Variants in KIAA1217 observed in about 807,000 individuals in gnomAD.
KIAA1217 encodes sickle tail protein homolog.
In KIAA1217, 88 loss-of-function variants were observed where a neutral mutation model predicts 163.9. The observed-to-expected ratio is 0.54, with a 90% confidence interval of 0.45 to 0.64. The LOEUF (loss-of-function observed/expected upper bound fraction) is 0.64, where lower values mean the gene tolerates loss of function less well. KIAA1217 is among the 30% of genes least tolerant of loss of function. The pLI is 0.00. For missense variants in KIAA1217, 2,372 were observed against 2,475.0 expected, an observed-to-expected ratio of 0.96 and a Z score of 0.88; for synonymous variants, 903 against 923.1, an observed-to-expected ratio of 0.98 and a Z score of 0.39.
chr10:23,818,303 TTA>T (rs893978014), intron 1 of KIAA1217, among the ~76,000 whole-genome samples: 10 of 138,548 alleles, frequency 7.2e-5, no homozygotes, highest in African/African-American at 2.2e-4. Flanking sequence ...TATATATAAA[TTA>T]TATATATATA....
At chr10:23,699,689 A>G (rs115600590) in intron 1 of KIAA1217, among the ~76,000 whole-genome samples, 451 of 152,062 alleles carry the variant, frequency 3.0e-3, no homozygotes, top group African/African-American at 0.01. Flanking sequence ...CACCATTTCA[A>G]TCATAGCTCA....
intron 1 of KIAA1217, among the ~76,000 whole-genome samples, chr10:23,910,946 A>C (rs920557104): frequency 6.6e-6 from 1 of 152,144 alleles, no homozygotes; most frequent in African/African-American, 2.4e-5. Context: ...AGAGTCAGCA[A>C]TGGCCATACC....
At chr10:23,870,410 A>G (rs1840402989) in intron 1 of KIAA1217, among the ~76,000 whole-genome samples, 1 of 152,044 alleles carries the variant, frequency 6.6e-6, no homozygotes, top group Admixed American at 6.6e-5. Flanking sequence ...TAGGCATCTT[A>G]ACAAAGGCCA....
intron 1 of KIAA1217, among the ~76,000 whole-genome samples, chr10:23,906,752 C>A (rs1008129281): frequency 6.6e-6 from 1 of 152,118 alleles, no homozygotes; most frequent in Non-Finnish European, 1.5e-5. Flanking sequence ...CTGGAGCTCT[C>A]ATAGGTATGT....
At chr10:24,042,017 C>T (rs948943003) in intron 2 of KIAA1217, 2 of 151,958 alleles carry the variant, frequency 1.3e-5, no homozygotes, top group Non-Finnish European at 2.9e-5. Context: ...GGAGCATTTA[C>T]CATTGCAGAA....
intron 3 of KIAA1217, among the ~76,000 whole-genome samples, chr10:24,390,850 A>G (rs969164543): frequency 6.6e-6 from 1 of 152,184 alleles, no homozygotes; most frequent in African/African-American, 2.4e-5. Context: ...TAGGATTTTC[A>G]TATATGAGGC....
intron 1 of KIAA1217, among the ~76,000 whole-genome samples, chr10:23,950,769 A>G (rs1404735888): frequency 6.6e-6 from 1 of 152,114 alleles, no homozygotes; most frequent in Admixed American, 6.5e-5. Context: ...GAAAAACTGT[A>G]TATTTTACTT....
intron 1 of KIAA1217, among the ~76,000 whole-genome samples, chr10:23,848,015 A>G (rs1004841188): frequency 2.0e-5 from 3 of 152,098 alleles, no homozygotes; most frequent in Non-Finnish European, 4.4e-5. Context: ...GTTTCCATGT[A>G]GTTGTGCAGT....
intron 2 of KIAA1217, among the ~76,000 whole-genome samples, chr10:24,315,932 G>GGT (rs1554811345): frequency 3.4e-5 from 5 of 148,746 alleles, no homozygotes; most frequent in African/African-American, 1.2e-4. Context: ...TATCTAATGG[G>GGT]GGGGGGGAAT....
intron 1 of KIAA1217, among the ~76,000 whole-genome samples, chr10:23,806,727 TC>T (rs1342357790): frequency 1.3e-5 from 2 of 152,236 alleles, no homozygotes; most frequent in Non-Finnish European, 2.9e-5. Context: ...TAATTTGCAT[TC>T]CTACTTTTTC....
chr10:23,942,674 T>C (rs770777883), intron 1 of KIAA1217, among the ~76,000 whole-genome samples: 3 of 147,704 alleles, frequency 2.0e-5, no homozygotes, highest in Non-Finnish European at 4.6e-5. Context: ...GTAAGATTGC[T>C]AGATGTCAAA....
At chr10:23,922,254 G>C (rs1223568096) in intron 1 of KIAA1217, among the ~76,000 whole-genome samples, 1 of 152,204 alleles carries the variant, frequency 6.6e-6, no homozygotes, top group Non-Finnish European at 1.5e-5. Flanking sequence ...GGCATCCCCA[G>C]AGAGGGTATA....
At chr10:24,438,623 T>G (rs2060250412) in intron 5 of KIAA1217, 144 bp downstream of exon 5, 1 of 593,224 alleles carries the variant, frequency 1.7e-6, no homozygotes, top group Non-Finnish European at 3.0e-6. Flanking sequence ...TCATTATTTG[T>G]TCTTGGTAGA....
intron 3 of KIAA1217, among the ~76,000 whole-genome samples, chr10:24,420,669 T>A (rs770203425): frequency 6.6e-6 from 1 of 152,252 alleles, no homozygotes; most frequent in Non-Finnish European, 1.5e-5. Context: ...CTCACATGTA[T>A]GTCTTTGGTC....
chr10:24,176,617 T>C (rs908585649), intron 2 of KIAA1217, among the ~76,000 whole-genome samples: 1 of 152,130 alleles, frequency 6.6e-6, no homozygotes, highest in Non-Finnish European at 1.5e-5. Context: ...CAGCTAGACA[T>C]AAAAGTTCTC....
chr10:24,461,304 C>T (rs1452506187), intron 5 of KIAA1217, among the ~76,000 whole-genome samples: 2 of 152,048 alleles, frequency 1.3e-5, no homozygotes, highest in African/African-American at 4.8e-5. Flanking sequence ...CTTTAAACTG[C>T]AATTGTAGAG....
chr10:24,272,710 G>C (rs1202614128), intron 2 of KIAA1217, among the ~76,000 whole-genome samples: 5 of 152,160 alleles, frequency 3.3e-5, no homozygotes, highest in Non-Finnish European at 5.9e-5. Flanking sequence ...GCATTAACAA[G>C]TATTTCGGAA....
intron 1 of KIAA1217, among the ~76,000 whole-genome samples, chr10:23,963,183 G>C (rs2131376016): frequency 6.6e-6 from 1 of 152,186 alleles, no homozygotes; most frequent in Non-Finnish European, 1.5e-5. Context: ...TGTTATATGG[G>C]TATACACGTG....
intron 2 of KIAA1217, among the ~76,000 whole-genome samples, chr10:24,293,204 G>A (rs11014006): frequency 0.059 from 9,025 of 152,080 alleles, 298 homozygotes; most frequent in East Asian, 0.12. Flanking sequence ...CACCATGCCC[G>A]GCTAATTTTG....
Sources: allele counts gnomAD v4.1 joint callset (sites outside exome capture counted in the v4.1 genomes callset), GRCh38; gene constraint gnomAD v4.1.1; transcripts MANE v1.5; gene names NCBI Gene and HGNC (gene_info 2026-07-23, HGNC 2026-07-21).